Variants in ROBO1 observed in about 807,000 individuals in gnomAD.
ROBO1 encodes roundabout guidance receptor 1.
A neutral mutation model predicts 195.9 loss-of-function variants in ROBO1; 149 were observed. That is an observed-to-expected ratio of 0.76 (90% confidence interval 0.67 to 0.87). The LOEUF (loss-of-function observed/expected upper bound fraction) is 0.87. Ranked by LOEUF, ROBO1 falls within the 40% of genes least tolerant of loss-of-function variation. The probability of loss-of-function intolerance (pLI) is 0.00; values close to 1 mark genes in which losing one functional copy is unlikely to be tolerated. For missense variants in ROBO1, 1,933 were observed against 2,068.3 expected (o/e 0.93, Z 1.27); for synonymous variants, 816 against 733.2 (o/e 1.11, Z -1.82).
intron 10 of ROBO1, among the ~76,000 whole-genome samples, chr3:78,674,128 C>CT (rs544908728): frequency 4.7e-4 from 72 of 152,166 alleles, no homozygotes; most frequent in African/African-American, 1.6e-3. Flanking sequence ...TAATCATTAA[C>CT]TTTGTTTTCT....
At chr3:79,042,261 A>G (rs1179206288) in intron 3 of ROBO1, among the ~76,000 whole-genome samples, 1 of 152,202 alleles carries the variant, frequency 6.6e-6, no homozygotes, top group Non-Finnish European at 1.5e-5. Flanking sequence ...ACACATATAC[A>G]TACATACACA....
intron 2 of ROBO1, among the ~76,000 whole-genome samples, chr3:79,456,065 C>T (rs776061886): frequency 3.3e-5 from 5 of 152,108 alleles, no homozygotes; most frequent in Non-Finnish European, 5.9e-5. Context: ...TCAGGCATTA[C>T]TTAAGTACAT....
chr3:78,660,998 T>C (rs776229187), intron 16 of ROBO1, 32 bp downstream of exon 16: 5 of 1,432,588 alleles, frequency 3.5e-6, no homozygotes, highest in Non-Finnish European at 3.9e-6. Context: ...TATACTGCAA[T>C]GCATGGAAAT....
chr3:79,029,780 T>C (rs1251555009), intron 3 of ROBO1, among the ~76,000 whole-genome samples: 1 of 152,196 alleles, frequency 6.6e-6, no homozygotes, highest in Non-Finnish European at 1.5e-5. Context: ...AGACCTGCCA[T>C]TTTCAGCCTT....
intron 3 of ROBO1, among the ~76,000 whole-genome samples, chr3:79,091,979 G>C (rs1419309830): frequency 6.6e-6 from 1 of 152,178 alleles, no homozygotes; most frequent in Non-Finnish European, 1.5e-5. Flanking sequence ...GATGTAATCT[G>C]ATTTAAGATG....
chr3:79,714,361 G>A (rs1702393955), intron 1 of ROBO1, among the ~76,000 whole-genome samples: 2 of 152,144 alleles, frequency 1.3e-5, no homozygotes, highest in South Asian at 4.1e-4. Context: ...AGATGCTGGA[G>A]AGGATGTGGA....
chr3:79,643,679 G>A (rs543933289), intron 1 of ROBO1, among the ~76,000 whole-genome samples: 3 of 151,932 alleles, frequency 2.0e-5, no homozygotes, highest in South Asian at 4.2e-4. Context: ...ATATCTATGA[G>A]GTGTTCTTTG....
intron 1 of ROBO1, among the ~76,000 whole-genome samples, chr3:79,762,493 T>TTTTTTTTTTTTTTTTTTTTTTTTTTG (rs1704754177): frequency 1.3e-5 from 2 of 151,828 alleles, no homozygotes. Flanking sequence ...GAGGAATACT[T>TTTTTTTTTTTTTTTTTTTTTTTTTTG]AAACCTATTT....
intron 1 of ROBO1, among the ~76,000 whole-genome samples, chr3:79,646,820 A>G (rs1340776890): frequency 6.6e-6 from 1 of 152,124 alleles, no homozygotes; most frequent in Non-Finnish European, 1.5e-5. Context: ...GAAGACAAAT[A>G]TCATATGTTC....
At chr3:79,168,509 C>T (rs910270729) in intron 2 of ROBO1, among the ~76,000 whole-genome samples, 14 of 152,208 alleles carry the variant, frequency 9.2e-5, no homozygotes, top group African/African-American at 3.4e-4. Flanking sequence ...CTAATATCAC[C>T]ACTCTGGCTA....
intron 2 of ROBO1, among the ~76,000 whole-genome samples, chr3:79,345,446 T>C (rs1003457352): frequency 3.3e-5 from 5 of 152,104 alleles, no homozygotes; most frequent in African/African-American, 1.2e-4. Flanking sequence ...CTCTTCTTCC[T>C]TTTATCTAGA....
intron 4 of ROBO1, among the ~76,000 whole-genome samples, chr3:78,753,006 C>T (rs140233659): frequency 2.0e-5 from 3 of 152,022 alleles, no homozygotes; most frequent in Non-Finnish European, 2.9e-5. Flanking sequence ...ACTCTTATGT[C>T]CTAACCTAGG....
At chr3:78,653,000 T>C (rs937089475) in intron 18 of ROBO1, among the ~76,000 whole-genome samples, 8 of 152,314 alleles carry the variant, frequency 5.3e-5, no homozygotes, top group South Asian at 4.1e-4. Flanking sequence ...TTTGATGTTC[T>C]TCCCCCACCA....
At chr3:78,931,755 C>T (rs1350877313) in intron 4 of ROBO1, among the ~76,000 whole-genome samples, 1 of 152,036 alleles carries the variant, frequency 6.6e-6, no homozygotes, top group Non-Finnish European at 1.5e-5. Context: ...CATTTGAGAC[C>T]AGGAGTTTGA....
At chr3:79,606,621 A>G (rs1301534914) in intron 1 of ROBO1, among the ~76,000 whole-genome samples, 1 of 151,754 alleles carries the variant, frequency 6.6e-6, no homozygotes, top group Non-Finnish European at 1.5e-5. Context: ...ACTACTGTCC[A>G]CTGTGTCAAT....
chr3:78,906,123 AT>A (rs2037895548), intron 4 of ROBO1, among the ~76,000 whole-genome samples: 1 of 152,034 alleles, frequency 6.6e-6, no homozygotes, highest in African/African-American at 2.4e-5. Context: ...GAATCCTACG[AT>A]TTTTCCTGCC....
At chr3:78,805,842 A>G (rs184261336) in intron 4 of ROBO1, among the ~76,000 whole-genome samples, 40 of 152,298 alleles carry the variant, frequency 2.6e-4, no homozygotes, top group African/African-American at 8.9e-4. Context: ...GTGTAAACAT[A>G]CATTATTTTA....
At chr3:78,914,357 CA>C (rs2038430109) in intron 4 of ROBO1, among the ~76,000 whole-genome samples, 1 of 152,004 alleles carries the variant, frequency 6.6e-6, no homozygotes, top group Non-Finnish European at 1.5e-5. Flanking sequence ...TACGCAAATT[CA>C]AAGGTTAACA....
chr3:79,021,256 C>A (rs1186653235), intron 3 of ROBO1, among the ~76,000 whole-genome samples: 5 of 152,118 alleles, frequency 3.3e-5, no homozygotes, highest in Non-Finnish European at 7.3e-5. Flanking sequence ...TAGTGAAAAA[C>A]ATAGAATATA....
Sources: gnomAD v4.1 joint callset for allele counts (sites outside exome capture counted in the v4.1 genomes callset) on GRCh38, gnomAD v4.1.1 for gene constraint, MANE v1.5 for transcripts, NCBI Gene and HGNC (gene_info 2026-07-23, HGNC 2026-07-21) for gene names.